The following DOCK7 variants were observed in gnomAD, a reference collection of about 807,000 sequenced individuals.
The protein encoded by DOCK7 is dedicator of cytokinesis 7.
Under a neutral mutation model 271.0 loss-of-function variants are expected in DOCK7, and 138 were observed. The observed-to-expected ratio is 0.51, with a 90% CI of 0.44 to 0.59. The LOEUF (loss-of-function observed/expected upper bound fraction) is 0.59, where lower values mean the gene tolerates loss of function less well. Among genes scored for constraint, DOCK7 ranks in the 20% least tolerant of loss-of-function variants. DOCK7 has a pLI of 0.00. For synonymous variants in DOCK7, 823 were observed against 876.1 expected, an observed-to-expected ratio of 0.94 and a Z score of 1.07; for missense variants, 2,066 against 2,592.4, an observed-to-expected ratio of 0.80 and a Z score of 4.41.
rs1405369707 is a variant in DOCK7, at chr1:62,636,552, G to A, written c.870C>T (p.Val290=). Residue 290 remains valine, a synonymous_variant, in exon 8 of 50, where the codon GTC becomes GTT. Transcript: ENST00000635253. ...ATAATCTTACCTTTTTCTTTTCCTTGACATCATATAAAGCCAAACTTGCAA... is the reference window on the plus strand; with the variant it reads ...ATAATCTTACCTTTTTCTTTTCCTTAACATCATATAAAGCCAAACTTGCAA... ...PIFASLALYD[V]KEKKKISENF... The A allele has an allele frequency of 3.8e-6, 6 of 1,598,466 alleles. No homozygotes were observed. The Admixed American group carries it at 5.1e-5, about 14-fold the overall frequency.
At chr1:62,617,521 C>G (rs1652597485) in intron 14 of DOCK7, among the ~76,000 whole-genome samples, 1 of 151,756 alleles carries the variant, frequency 6.6e-6, no homozygotes, top group African/African-American at 2.4e-5. Flanking sequence ...GCCTTTAGCC[C>G]CAGGTGGTTA....
At chr1:62,610,761 C>T (rs1354789313) in intron 14 of DOCK7, among the ~76,000 whole-genome samples, 2 of 152,040 alleles carry the variant, frequency 1.3e-5, no homozygotes, top group African/African-American at 4.8e-5. Flanking sequence ...TGGTTTCCAG[C>T]TTCATCCATG....
chr1:62,674,977 G>T (rs1660386938), intron 1 of DOCK7, among the ~76,000 whole-genome samples: 1 of 152,116 alleles, frequency 6.6e-6, no homozygotes, highest in Non-Finnish European at 1.5e-5. Context: ...GAAAACCTTT[G>T]TGCTTCAAAC....
intron 48 of DOCK7, among the ~76,000 whole-genome samples, chr1:62,464,123 C>A (rs1185619): frequency 3.3e-5 from 5 of 151,964 alleles, no homozygotes; most frequent in African/African-American, 1.2e-4. Context: ...ACAGTGGTGC[C>A]ATCTCGGCTT....
At chr1:62,665,212 C>T (rs1336538762) in intron 1 of DOCK7, among the ~76,000 whole-genome samples, 1 of 152,066 alleles carries the variant, frequency 6.6e-6, no homozygotes, top group South Asian at 2.1e-4. Flanking sequence ...TGGTCTCGAA[C>T]TCCTCACCTC....
chr1:62,560,080 G>A (rs1420999609), intron 19 of DOCK7, among the ~76,000 whole-genome samples: 1 of 152,086 alleles, frequency 6.6e-6, no homozygotes, highest in African/African-American at 2.4e-5. Flanking sequence ...CTTATTTCTT[G>A]TTTCCTCTGG....
chr1:62,508,258 TCACCC>T lies in DOCK7; in HGVS notation c.4380-205_4380-201del, dbSNP rs369440201. 5.3e-3 allele frequency among the ~76,000 whole-genome samples: 809 copies of T among 152,314 alleles called. 9 individuals carry two copies. Among genetic ancestry groups the T allele is most frequent in the African/African-American group, 0.018 (763 of 41,560 alleles). On this transcript the variant is annotated intron_variant, in intron 34 of 49. Coordinates refer to ENST00000635253, the MANE Select transcript of DOCK7 (RefSeq NM_001367561.1). ...GTTAACCACAACAATACACACTTTC[TCACCC>T]CATTACAGAAGTGTAATGCCACTAA...
At chr1:62,576,171 T>C (rs780299062) in intron 18 of DOCK7, among the ~76,000 whole-genome samples, 7 of 152,218 alleles carry the variant, frequency 4.6e-5, no homozygotes, top group Non-Finnish European at 1.0e-4. Flanking sequence ...CCTACCCTCA[T>C]AGTGTTTATA....
intron 33 of DOCK7, chr1:62,511,392 T>G (rs1644480000): frequency 6.6e-6 from 1 of 152,174 alleles, no homozygotes; most frequent in African/African-American, 2.4e-5. Flanking sequence ...GCATTGAGAA[T>G]GTGGAGAATA....
At chr1:62,564,150 T>C (rs1009641845) in intron 18 of DOCK7, among the ~76,000 whole-genome samples, 36 of 151,592 alleles carry the variant, frequency 2.4e-4, no homozygotes, top group Admixed American at 2.4e-3. Context: ...CTGTCAATAT[T>C]AGATCAACAA....
rs549487110 is a variant in DOCK7, at chr1:62,625,358, A to T, written c.1326T>A (p.Val442=). The change falls in exon 12 of 50, where the codon GTT becomes GTA. Residue 442 remains valine (V), a synonymous_variant. Transcript: ENST00000635253. Reference sequence around the variant, plus strand: ...TTGTCCTTTCAAGTGATCGTCTGCCAACAATACTAGAATTCCTCCTCTCTG... The same window carrying T: ...TTGTCCTTTCAAGTGATCGTCTGCCTACAATACTAGAATTCCTCCTCTCTG... The part of the protein sequence containing the change: ...SWSERRNSSI[V]GRRSLERTTS... 1 of 1,613,594 alleles carries T rather than the reference A, an allele frequency of 6.2e-7. No homozygotes were observed. The highest frequency in any genetic ancestry group is 1.3e-5 in the African/African-American group (1 of 75,054).
chr1:62,485,857 C>T (rs1047997040), intron 43 of DOCK7: 1 of 231,156 alleles, frequency 4.3e-6, no homozygotes, highest in African/African-American at 2.3e-5. Flanking sequence ...AATTTAGCAG[C>T]TACAAAGCTA....
chr1:62,671,677 T>A (rs1660019787), intron 1 of DOCK7, among the ~76,000 whole-genome samples: 1 of 152,122 alleles, frequency 6.6e-6, no homozygotes, highest in Non-Finnish European at 1.5e-5. Flanking sequence ...TAGAAAAATA[T>A]TTGCAGGGGA....
chr1:62,584,925 G>C, intron 15 of DOCK7: 1 of 685,102 alleles, frequency 1.5e-6, no homozygotes. Context: ...GAGTTTGTTA[G>C]GTAAACAATA....
intron 1 of DOCK7, among the ~76,000 whole-genome samples, chr1:62,684,456 A>G (rs1661508399): frequency 6.6e-6 from 1 of 152,172 alleles, no homozygotes; most frequent in Non-Finnish European, 1.5e-5. Context: ...TAATCCTCAC[A>G]TTAACTTTAT....
chr1:62,556,134 G>T, intron 20 of DOCK7, 145 bp from the exon 21 acceptor site: 1 of 810,292 alleles, frequency 1.2e-6, no homozygotes, highest in Non-Finnish European at 1.9e-6. Context: ...ATTTGATATT[G>T]ACTTTTAATT....
intron 48 of DOCK7, among the ~76,000 whole-genome samples, chr1:62,466,935 C>CA (rs879612213): frequency 1.3e-3 from 198 of 149,270 alleles, no homozygotes; most frequent in African/African-American, 1.9e-3. Context: ...AAAACAAAAA[C>CA]AAAAAAAAAC....
intron 31 of DOCK7, among the ~76,000 whole-genome samples, chr1:62,523,880 T>C (rs1644923769): frequency 6.6e-6 from 1 of 151,706 alleles, no homozygotes; most frequent in African/African-American, 2.4e-5. Flanking sequence ...GATAAATAAA[T>C]AAATAAATAA....
chr1:62,533,552 A>G (rs933715843), intron 29 of DOCK7, among the ~76,000 whole-genome samples: 1 of 151,670 alleles, frequency 6.6e-6, no homozygotes, highest in South Asian at 2.1e-4. Context: ...TCTATACTCC[A>G]AAGTCTGCAC....
Sources: allele counts gnomAD v4.1 joint callset (sites outside exome capture counted in the v4.1 genomes callset), GRCh38; gene constraint gnomAD v4.1.1; transcripts MANE v1.5; gene names NCBI Gene and HGNC (gene_info 2026-07-23, HGNC 2026-07-21).